Variants in AFAP1 observed in about 807,000 individuals in gnomAD.
AFAP1 encodes actin filament associated protein 1, also known as actin filament-associated protein 1.
AFAP1 carries 75 observed loss-of-function variants against 93.9 expected under a neutral mutation model. The ratio of observed to expected loss-of-function variants is 0.80; its 90% CI spans 0.66 to 0.97. The LOEUF is 0.97. Among genes scored for constraint, AFAP1 ranks in the 50% least tolerant of loss-of-function variants. The probability of loss-of-function intolerance (pLI) is 0.00; values close to 1 mark genes in which losing one functional copy is unlikely to be tolerated. For synonymous variants in AFAP1, 517 were observed against 430.7 expected (o/e 1.20, Z -2.48); for missense variants, 1,201 against 1,050.8 (o/e 1.14, Z -1.98).
At chr4:7,866,353 A>G (rs1343507003) in intron 3 of AFAP1, among the ~76,000 whole-genome samples, 2 of 150,724 alleles carry the variant, frequency 1.3e-5, no homozygotes, top group Non-Finnish European at 3.0e-5. Context: ...ACACCACCAC[A>G]CCCGGCTAAT....
chr4:7,781,182 G>A (rs1423067477), intron 13 of AFAP1, among the ~76,000 whole-genome samples, 194 bp downstream of exon 13: 1 of 152,148 alleles, frequency 6.6e-6, no homozygotes, highest in Non-Finnish European at 1.5e-5. Flanking sequence ...ACAGTGCTCA[G>A]ATAAACCATG....
In AFAP1 at chr4:7,759,161, A is replaced by G. The variant is rs955444495; in HGVS notation, c.*4604T>C. 37 of 152,696 alleles carry G rather than the reference A, an allele frequency of 2.4e-4. No homozygotes were observed. The highest frequency in any genetic ancestry group is 8.9e-4 in the African/African-American group (37 of 41,466). 9.5% of individuals were successfully genotyped at this position (152,696 alleles called of 1,614,324 possible). Reference sequence around the variant, plus strand: ...AAGTTGATGTTAAAATGTAAAGTGAATATTTCCTTTCTTGTTAGAAAATCA... The same window carrying G: ...AAGTTGATGTTAAAATGTAAAGTGAGTATTTCCTTTCTTGTTAGAAAATCA... On this transcript the variant is annotated 3_prime_UTR_variant, in exon 18 of 18. Coordinates refer to ENST00000420658, the MANE Select transcript of AFAP1 (RefSeq NM_001134647.2).
chr4:7,936,600 G>C (rs78242253), intron 1 of AFAP1, among the ~76,000 whole-genome samples: 1 of 69,256 alleles, frequency 1.4e-5, no homozygotes, highest in South Asian at 4.8e-4. Flanking sequence ...TTTTTTTTTT[G>C]AGATGGAGTC....
chr4:7,778,973 G>T, intron 13 of AFAP1, 97 bp from the exon 14 acceptor site: 1 of 955,154 alleles, frequency 1.0e-6, no homozygotes, highest in Non-Finnish European at 1.6e-6. Flanking sequence ...CAGTCTCTAA[G>T]TATTGTAGAA....
At chr4:7,876,981 C>G (rs920527084) in intron 1 of AFAP1, among the ~76,000 whole-genome samples, 2 of 152,162 alleles carry the variant, frequency 1.3e-5, no homozygotes, top group African/African-American at 4.8e-5. Flanking sequence ...AGCCTTCCAG[C>G]CTTCTCTAAT....
At chr4:7,821,751 C>T (rs1278424495) in intron 6 of AFAP1, among the ~76,000 whole-genome samples, 1 of 152,214 alleles carries the variant, frequency 6.6e-6, no homozygotes, top group Non-Finnish European at 1.5e-5. Flanking sequence ...CCTCCACAGA[C>T]AGATCCAAAT....
intron 1 of AFAP1, among the ~76,000 whole-genome samples, chr4:7,882,588 C>T (rs1056368092): frequency 5.9e-5 from 9 of 152,110 alleles, no homozygotes; most frequent in African/African-American, 9.7e-5. Flanking sequence ...AGGGTGGGTG[C>T]GGTGGCTCAC....
intron 11 of AFAP1, among the ~76,000 whole-genome samples, chr4:7,787,787 G>A (rs1038051331): frequency 2.6e-5 from 4 of 152,138 alleles, no homozygotes; most frequent in African/African-American, 9.7e-5. Context: ...CCAGGGCCTC[G>A]GGGCTCCGAG....
At chr4:7,831,247 A>G (rs77534926) in intron 6 of AFAP1, among the ~76,000 whole-genome samples, 3,907 of 152,206 alleles carry the variant, frequency 0.026, 178 homozygotes, top group African/African-American at 0.086. Flanking sequence ...TTTCTAATCA[A>G]GACTTCTTAG....
intron 11 of AFAP1, among the ~76,000 whole-genome samples, 199 bp from the exon 12 acceptor site, chr4:7,786,510 A>G (rs1425019675): frequency 6.6e-6 from 1 of 152,238 alleles, no homozygotes; most frequent in Non-Finnish European, 1.5e-5. Context: ...ATGGCACATA[A>G]TCTGCAGAAC....
chr4:7,892,554 TC>T (rs1452443961), intron 1 of AFAP1, among the ~76,000 whole-genome samples: 1 of 152,120 alleles, frequency 6.6e-6, no homozygotes, highest in African/African-American at 2.4e-5. Context: ...GAACAGACAT[TC>T]CCCATTCACC....
rs1178273394 is a variant in AFAP1 at position 7,759,310 on chromosome 4, G to A, written c.*4455C>T. On this transcript the variant is annotated 3_prime_UTR_variant, in exon 18 of 18. Transcript: ENST00000420658. The stretch of plus-strand genomic sequence containing the variant: ...TAACACTTGTGCACGGTGAAGTTGA[G>A]ATTTTCTGGAAGACCAAAGCCGGAA... 2 of 152,662 alleles carry A rather than the reference G, an allele frequency of 1.3e-5. No individual in the cohort carries two copies. Among genetic ancestry groups the A allele is most frequent in the Non-Finnish European group, 2.9e-5 (2 of 68,044 alleles). The allele number at this position is 152,662 out of a possible 1,614,324, so 9.5% of individuals were successfully genotyped here.
intron 6 of AFAP1, among the ~76,000 whole-genome samples, chr4:7,837,212 G>C (rs559723082): frequency 6.6e-6 from 1 of 152,238 alleles, no homozygotes; most frequent in South Asian, 2.1e-4. Context: ...AAACCAAAAA[G>C]ATTAGAGACT....
chr4:7,797,211 C>A (rs966546682), intron 10 of AFAP1, among the ~76,000 whole-genome samples: 1 of 152,120 alleles, frequency 6.6e-6, no homozygotes, highest in Non-Finnish European at 1.5e-5. Context: ...TAGAACGTCA[C>A]CATTTAGAAA....
chr4:7,929,818 A>G (rs1720963894), intron 1 of AFAP1, among the ~76,000 whole-genome samples: 1 of 152,204 alleles, frequency 6.6e-6, no homozygotes, highest in Non-Finnish European at 1.5e-5. Context: ...AGTGGCCTGC[A>G]ACTCACAGCA....
chr4:7,809,703 T>C lies in AFAP1; in HGVS notation c.965A>G (p.Lys322Arg). 3 of 1,614,220 alleles carry C rather than the reference T, an allele frequency of 1.9e-6. No homozygotes were observed. The highest frequency in any genetic ancestry group is 2.5e-6 in the Non-Finnish European group (3 of 1,180,034). Residue 322 changes from lysine to arginine, a missense_variant, in exon 9 of 18, where the codon AAA becomes AGA. Physicochemically the swap from Lys to Arg is conservative, Grantham distance 26 (BLOSUM62 2). Transcript: ENST00000420658. ...CAGACTGATGATCTTGGTGATTTTT[T>C]TCCCAGTGACTTTCGACACAGTGCC... Reference protein sequence around the residue: ...AKGTVSKVTGKKITKIISLGK... With the variant: ...AKGTVSKVTGRKITKIISLGK...
chr4:7,909,643 C>T (rs772070756), intron 1 of AFAP1, among the ~76,000 whole-genome samples: 3 of 152,092 alleles, frequency 2.0e-5, no homozygotes, highest in Non-Finnish European at 2.9e-5. Context: ...GGTTCCAAAG[C>T]GCAAGAGCCA....
At chr4:7,882,978 A>C (rs568872558) in intron 1 of AFAP1, among the ~76,000 whole-genome samples, 188 of 152,216 alleles carry the variant, frequency 1.2e-3, no homozygotes, top group African/African-American at 4.1e-3. Context: ...TGAGCCAGCG[A>C]GTTTGAGACC....
intron 1 of AFAP1, among the ~76,000 whole-genome samples, chr4:7,876,817 C>G (rs777304876): frequency 1.3e-5 from 2 of 152,220 alleles, no homozygotes; most frequent in Admixed American, 6.5e-5. Flanking sequence ...CAAAACACAG[C>G]TCTCTAGCGC....
Sources: gnomAD v4.1 joint callset for allele counts (sites outside exome capture counted in the v4.1 genomes callset) on GRCh38, gnomAD v4.1.1 for gene constraint, MANE v1.5 for transcripts, NCBI Gene and HGNC (gene_info 2026-07-23, HGNC 2026-07-21) for gene names.